SAP30BP: variants seen among roughly 807,000 people sequenced by gnomAD.
SAP30BP encodes SAP30 binding protein.
SAP30BP carries 31 observed loss-of-function variants against 46.3 expected under a neutral mutation model. The observed-to-expected ratio is 0.67, with a 90% CI of 0.50 to 0.90. SAP30BP has a LOEUF of 0.90. SAP30BP is among the 40% of genes least tolerant of loss of function. The probability of loss-of-function intolerance (pLI) is 0.00; values close to 1 mark genes in which losing one functional copy is unlikely to be tolerated. For missense variants in SAP30BP, 312 were observed against 391.0 expected (o/e 0.80, Z 1.70); for synonymous variants, 169 against 144.2 (o/e 1.17, Z -1.23).
intron 3 of SAP30BP, among the ~76,000 whole-genome samples, chr17:75,685,551 T>C (rs748170341): frequency 1.3e-5 from 2 of 152,184 alleles, no homozygotes; most frequent in Non-Finnish European, 2.9e-5. Context: ...TTGCCTGAGA[T>C]GTTGATGTAA....
chr17:75,673,588 A>G (rs549615258), intron 3 of SAP30BP, among the ~76,000 whole-genome samples: 19 of 152,294 alleles, frequency 1.2e-4, no homozygotes, highest in African/African-American at 4.6e-4. Flanking sequence ...TTCCTGGGGA[A>G]GTTGGCTGGA....
intron 4 of SAP30BP, among the ~76,000 whole-genome samples, chr17:75,694,136 A>T (rs369671778): frequency 6.6e-6 from 1 of 152,054 alleles, no homozygotes; most frequent in South Asian, 2.1e-4. Context: ...CTCTGTGGCA[A>T]CCATTACCAG....
At chr17:75,677,277 G>A (rs559750152) in intron 3 of SAP30BP, among the ~76,000 whole-genome samples, 25 of 151,510 alleles carry the variant, frequency 1.7e-4, no homozygotes, top group African/African-American at 5.8e-4. Context: ...GCTAATTTTT[G>A]TGTTTTTAGT....
At chr17:75,697,104 G>C (rs976444190) in intron 4 of SAP30BP, among the ~76,000 whole-genome samples, 1 of 152,138 alleles carries the variant, frequency 6.6e-6, no homozygotes, top group African/African-American at 2.4e-5. Context: ...CACCATGTGA[G>C]CCCCAGAGTG....
chr17:75,671,550 A>T (rs1308481973), intron 2 of SAP30BP, among the ~76,000 whole-genome samples: 3 of 152,196 alleles, frequency 2.0e-5, no homozygotes, highest in South Asian at 4.1e-4. Context: ...GAACTCGGGC[A>T]TCTTCATTGA....
intron 3 of SAP30BP, among the ~76,000 whole-genome samples, chr17:75,674,238 A>G (rs951494960): frequency 6.6e-6 from 1 of 152,068 alleles, no homozygotes; most frequent in Non-Finnish European, 1.5e-5. Flanking sequence ...TCCACATAGC[A>G]ACATGTACCT....
At chr17:75,703,558 C>A in intron 7 of SAP30BP, 187 bp downstream of exon 7, 2 of 642,626 alleles carry the variant, frequency 3.1e-6, no homozygotes, top group Non-Finnish European at 5.5e-6. Context: ...TTCCGGTGGC[C>A]GGCCTGGTGC....
chr17:75,668,631 T>C lies in SAP30BP; in HGVS notation c.216+6T>C. The stretch of plus-strand genomic sequence containing the variant: ...ATGAGAACAGTAGACAGTCGGTAGG[T>C]AAATCTCCCAGATCCAGAGCTACTG... On this transcript the variant is annotated splice_donor_region_variant and intron_variant, in intron 2 of 10. Coordinates refer to ENST00000584667, the MANE Select transcript of SAP30BP (RefSeq NM_013260.8). 2 of 1,549,040 alleles carry C rather than the reference T, an allele frequency of 1.3e-6. No individual in the cohort carries two copies. The highest frequency in any genetic ancestry group is 1.8e-6 in the Non-Finnish European group (2 of 1,128,324).
intron 5 of SAP30BP, among the ~76,000 whole-genome samples, chr17:75,702,103 A>G (rs2060420674): frequency 6.6e-6 from 1 of 151,940 alleles, no homozygotes; most frequent in East Asian, 1.9e-4. Flanking sequence ...GCTCACTGCA[A>G]CCTCCACCTC....
rs760639517 is a variant in SAP30BP at position 75,706,137 on chromosome 17, A to G, written c.745+45A>G. On this transcript the variant is annotated intron_variant, in intron 10 of 10. Coordinates refer to ENST00000584667, the MANE Select transcript of SAP30BP (RefSeq NM_013260.8). This position sits in a 1 kb window ranked among gnomAD's most constrained non-coding sequence, Gnocchi z 4.6. ...TGCCTCCTGCCACACACATGGAGCC[A>G]GGGTCTCCCTGGCTTGTTTGGGCGA... is the stretch of plus-strand genomic sequence containing the variant. The G allele has an allele frequency of 6.3e-7, 1 of 1,591,194 alleles. No homozygotes were observed. Among genetic ancestry groups the G allele is most frequent in the South Asian group, 1.1e-5 (1 of 89,370 alleles).
At chr17:75,673,003 A>T (rs961759506) in intron 3 of SAP30BP, among the ~76,000 whole-genome samples, 1 of 152,092 alleles carries the variant, frequency 6.6e-6, no homozygotes, top group Admixed American at 6.6e-5. Context: ...AACCAGCTGT[A>T]ACTTTCAAGA....
intron 3 of SAP30BP, among the ~76,000 whole-genome samples, chr17:75,674,023 T>C (rs937323298): frequency 1.3e-5 from 2 of 152,204 alleles, no homozygotes; most frequent in African/African-American, 2.4e-5. Context: ...TCACTTGATA[T>C]AGTTCTTTTG....
intron 3 of SAP30BP, chr17:75,692,516 T>C: frequency 1.0e-6 from 1 of 985,356 alleles, no homozygotes; most frequent in Non-Finnish European, 1.2e-6. Flanking sequence ...AACCCAGAAA[T>C]GGGGGAAACA....
At chr17:75,695,012 C>T (rs930668631) in intron 4 of SAP30BP, among the ~76,000 whole-genome samples, 3 of 152,174 alleles carry the variant, frequency 2.0e-5, no homozygotes, top group Admixed American at 6.5e-5. Flanking sequence ...TGATACAGAA[C>T]GCACCCATCA....
intron 3 of SAP30BP, among the ~76,000 whole-genome samples, chr17:75,675,962 A>G (rs906549537): frequency 6.6e-6 from 1 of 152,204 alleles, no homozygotes; most frequent in Non-Finnish European, 1.5e-5. Flanking sequence ...CATTTTTAGA[A>G]AAAATAAGTA....
intron 1 of SAP30BP, 135 bp downstream of exon 1, chr17:75,667,613 G>T (rs1029052833): frequency 1.4e-6 from 1 of 711,344 alleles, no homozygotes; most frequent in Non-Finnish European, 2.4e-6. Context: ...AGGGTCCGGG[G>T]TGAGATAGAG....
At chr17:75,702,933 A>G (rs1383406472) in intron 6 of SAP30BP, 1 of 309,774 alleles carries the variant, frequency 3.2e-6, no homozygotes, top group Admixed American at 4.5e-5. Context: ...TAAAAAGCTG[A>G]TTTTTGCATA....
intron 4 of SAP30BP, 90 bp downstream of exon 4, chr17:75,693,572 G>A (rs915956563): frequency 3.6e-5 from 43 of 1,194,818 alleles, no homozygotes; most frequent in Non-Finnish European, 5.1e-5. Flanking sequence ...GCCCCACAGG[G>A]CTTCTGTCTG....
intron 9 of SAP30BP, chr17:75,705,798 A>G (rs1232077254): frequency 1.9e-6 from 2 of 1,035,212 alleles, no homozygotes; most frequent in South Asian, 1.7e-5. Context: ...GGAGGGATAC[A>G]GTACTGTTTG....
Sources: gnomAD v4.1 joint callset for allele counts (sites outside exome capture counted in the v4.1 genomes callset) on GRCh38, gnomAD v4.1.1 for gene constraint, Gnocchi (gnomAD v3.1) non-coding constraint, MANE v1.5 for transcripts, NCBI Gene and HGNC (gene_info 2026-07-23, HGNC 2026-07-21) for gene names.